Variants in RFX4 observed in about 807,000 individuals in gnomAD.
RFX4 encodes the protein transcription factor RFX4.
RFX4 carries 10 observed loss-of-function variants against 95.0 expected under a neutral mutation model. The observed-to-expected ratio is 0.11, with a 90% CI of 0.06 to 0.18. RFX4 has a LOEUF of 0.18. RFX4 is among the 10% of genes least tolerant of loss of function. RFX4 has a pLI of 1.00. For synonymous variants in RFX4, 321 were observed against 340.7 expected (o/e 0.94, Z 0.64); for missense variants, 640 against 922.0 (o/e 0.69, Z 3.96).
intron 5 of RFX4, among the ~76,000 whole-genome samples, chr12:106,686,502 C>CATAT (rs1356272194): frequency 2.0e-5 from 3 of 151,954 alleles, no homozygotes; most frequent in African/African-American, 7.3e-5. Flanking sequence ...TAGTCACAAA[C>CATAT]ATATCCTGCT....
rs755008974 is a variant in RFX4 at position 106,608,819 on chromosome 12, C to T, written c.66C>T (p.Leu22=). Reference sequence around the variant, plus strand: ...TAGAGAGCTGGATTGAAAGATGTCTCAACGAAAGTGAAAACAAACGTTATT... The same window carrying T: ...TAGAGAGCTGGATTGAAAGATGTCTTAACGAAAGTGAAAACAAACGTTATT... ...DSTESWIERC[L]NESENKRYSS... Residue 22 remains leucine (L), a synonymous_variant, in exon 2 of 18, where the codon CTC becomes CTT. Coordinates refer to ENST00000392842, the MANE Select transcript of RFX4 (RefSeq NM_213594.3). 4 of 1,604,830 alleles carry T rather than the reference C, an allele frequency of 2.5e-6. No individual in the cohort carries two copies. The highest frequency in any genetic ancestry group is 2.2e-5 in the South Asian group (2 of 90,028).
chr12:106,658,470 G>A (rs2041005538), intron 4 of RFX4, among the ~76,000 whole-genome samples: 1 of 152,188 alleles, frequency 6.6e-6, no homozygotes, highest in Non-Finnish European at 1.5e-5. Flanking sequence ...ATTAAAAAGT[G>A]TAGTTCAGTC....
chr12:106,672,205 C>A (rs1337021100), intron 4 of RFX4, among the ~76,000 whole-genome samples: 2 of 152,140 alleles, frequency 1.3e-5, no homozygotes, highest in Non-Finnish European at 2.9e-5. Context: ...GCTGGGCTAC[C>A]TTCAACTGGA....
chr12:106,680,653 C>T (rs866353465), intron 4 of RFX4: 1 of 152,206 alleles, frequency 6.6e-6, no homozygotes, highest in African/African-American at 2.4e-5. Flanking sequence ...TGAAGGCTTA[C>T]TCTCTCTGAC....
At chr12:106,614,908 A>G (rs1298855798) in intron 2 of RFX4, among the ~76,000 whole-genome samples, 7 of 152,342 alleles carry the variant, frequency 4.6e-5, no homozygotes, top group Admixed American at 1.3e-4. Context: ...TTTGTCAGGT[A>G]AAAGTATTAC....
intron 2 of RFX4, among the ~76,000 whole-genome samples, chr12:106,631,857 GA>G (rs1343598825): frequency 6.6e-6 from 1 of 152,204 alleles, no homozygotes; most frequent in African/African-American, 2.4e-5. Flanking sequence ...AGCACAGAGT[GA>G]ATAACCCTGT....
intron 8 of RFX4, among the ~76,000 whole-genome samples, chr12:106,700,588 A>G (rs1364195920): frequency 6.6e-6 from 1 of 150,942 alleles, no homozygotes; most frequent in Non-Finnish European, 1.5e-5. Flanking sequence ...TTGTATTTTT[A>G]GTAGAGACGG....
At chr12:106,609,167 G>T (rs2039903804) in intron 2 of RFX4, among the ~76,000 whole-genome samples, 1 of 152,204 alleles carries the variant, frequency 6.6e-6, no homozygotes, top group Non-Finnish European at 1.5e-5. Flanking sequence ...TTGTTATAGT[G>T]ACGCTCTAGG....
chr12:106,683,656 G>A (rs1330458057), intron 5 of RFX4: 1 of 152,026 alleles, frequency 6.6e-6, no homozygotes, highest in Non-Finnish European at 1.5e-5. Flanking sequence ...TGGATGGATA[G>A]AACGATATGG....
In RFX4 at chr12:106,732,437, C is replaced by A. The variant is rs565448992; in HGVS notation, c.1471+188C>A. Among the ~76,000 whole-genome samples the A allele has an allele frequency of 3.2e-3, 483 of 152,286 alleles. 1 individual carries two copies. Among genetic ancestry groups the A allele is most frequent in the Non-Finnish European group, 5.6e-3 (379 of 68,028 alleles). The stretch of plus-strand genomic sequence containing the variant: ...CATGTGGGCTGGGTCTGGTGGCTCA[C>A]ACCTGCAATCCCAGCACTTTGGGAG... On this transcript the variant is annotated intron_variant, in intron 14 of 17. Coordinates refer to ENST00000392842, the MANE Select transcript of RFX4 (RefSeq NM_213594.3).
chr12:106,732,719 A>ATAAC (rs1282074873), intron 14 of RFX4, among the ~76,000 whole-genome samples: 1 of 152,124 alleles, frequency 6.6e-6, no homozygotes, highest in African/African-American at 2.4e-5. Flanking sequence ...AAATAAATAA[A>ATAAC]TAAATAAATA....
chr12:106,705,344 G>A (rs1477268972), intron 8 of RFX4, among the ~76,000 whole-genome samples: 1 of 152,230 alleles, frequency 6.6e-6, no homozygotes, highest in Non-Finnish European at 1.5e-5. Context: ...TGAAGCTGGA[G>A]CTGTAGACTT....
chr12:106,724,731 A>G (rs1159959575), intron 13 of RFX4, among the ~76,000 whole-genome samples: 2 of 152,162 alleles, frequency 1.3e-5, no homozygotes, highest in African/African-American at 2.4e-5. Context: ...CTATTAAAGG[A>G]TGCATTTCAG....
At chr12:106,600,881 C>G (rs772523222) in intron 1 of RFX4, among the ~76,000 whole-genome samples, 3 of 152,176 alleles carry the variant, frequency 2.0e-5, no homozygotes, top group Non-Finnish European at 4.4e-5. Flanking sequence ...CTCTCTTGAT[C>G]TCCCATTCTA....
intron 7 of RFX4, among the ~76,000 whole-genome samples, chr12:106,694,147 T>C (rs1279362376): frequency 6.6e-6 from 1 of 152,250 alleles, no homozygotes; most frequent in Non-Finnish European, 1.5e-5. Context: ...GGACTCTAAC[T>C]GAAGTCTTTT....
intron 2 of RFX4, among the ~76,000 whole-genome samples, chr12:106,633,010 G>A (rs1308411243): frequency 7.2e-5 from 11 of 152,184 alleles, no homozygotes; most frequent in Admixed American, 3.3e-4. Flanking sequence ...TGTAGCAGAC[G>A]CTCAATAAAT....
intron 4 of RFX4, among the ~76,000 whole-genome samples, chr12:106,678,312 T>A (rs1029531323): frequency 2.0e-5 from 3 of 152,220 alleles, no homozygotes; most frequent in African/African-American, 7.2e-5. Flanking sequence ...GCTTTATAGA[T>A]GTTATGTAGG....
At chr12:106,734,086 T>C (rs1250783526) in intron 15 of RFX4, among the ~76,000 whole-genome samples, 1 of 152,146 alleles carries the variant, frequency 6.6e-6, no homozygotes, top group African/African-American at 2.4e-5. Flanking sequence ...AGGACAAATA[T>C]ATGATTCCAT....
chr12:106,667,055 C>T (rs751459498), intron 4 of RFX4, among the ~76,000 whole-genome samples: 1 of 152,110 alleles, frequency 6.6e-6, no homozygotes. Flanking sequence ...GGGAAGCAAT[C>T]TATTGTCCTG....
Sources: gnomAD v4.1 joint callset for allele counts (sites outside exome capture counted in the v4.1 genomes callset) on GRCh38, gnomAD v4.1.1 for gene constraint, MANE v1.5 for transcripts, NCBI Gene and HGNC (gene_info 2026-07-23, HGNC 2026-07-21) for gene names.